The following PCDH11X variants were observed in gnomAD, a reference collection of about 807,000 sequenced individuals.
PCDH11X encodes the protein protocadherin-11 X-linked.
Under a neutral mutation model 53.3 loss-of-function variants are expected in PCDH11X, and 18 were observed. That is an observed-to-expected ratio of 0.34 (90% CI 0.23 to 0.50). PCDH11X has a LOEUF of 0.50. Ranked by LOEUF, PCDH11X falls within the 20% of genes least tolerant of loss-of-function variation. The pLI is 0.98. For synonymous variants in PCDH11X, 279 were observed against 393.3 expected (o/e 0.71, Z 3.44); for missense variants, 570 against 1,032.4 (o/e 0.55, Z 6.14).
chrX:92,267,661 A>C (rs1043105600), intron 8 of PCDH11X, among the ~76,000 whole-genome samples: 3 of 112,529 alleles, frequency 2.7e-5, no homozygotes, highest in African/African-American at 9.7e-5. Flanking sequence ...ATTCTCCTAA[A>C]AGCATAATTT....
intron 10 of PCDH11X, among the ~76,000 whole-genome samples, chrX:92,545,543 A>G (rs2074838475): frequency 9.2e-6 from 1 of 108,925 alleles, no homozygotes; most frequent in African/African-American, 3.4e-5. Context: ...CTGGGATTAC[A>G]GTTGCCCGCC....
chrX:92,429,538 G>A (rs1273930655), intron 9 of PCDH11X, among the ~76,000 whole-genome samples: 1 of 106,537 alleles, frequency 9.4e-6, no homozygotes, highest in African/African-American at 3.4e-5. Flanking sequence ...AGGACAGGTA[G>A]TGTTTTCATT....
At chrX:92,103,458 C>A (rs1006316188) in intron 6 of PCDH11X, among the ~76,000 whole-genome samples, 12 of 111,167 alleles carry the variant, frequency 1.1e-4, no homozygotes, top group Admixed American at 2.9e-4. Flanking sequence ...TAAAGCTCGG[C>A]GTCCGTGATG....
intron 6 of PCDH11X, among the ~76,000 whole-genome samples, chrX:92,137,507 T>A (rs1285581855): frequency 9.1e-6 from 1 of 109,852 alleles, no homozygotes; most frequent in Non-Finnish European, 1.9e-5. Flanking sequence ...GTATATAAGA[T>A]CCTTTTCATG....
chrX:92,222,782 C>T (rs1157553508), intron 7 of PCDH11X, among the ~76,000 whole-genome samples: 2 of 111,452 alleles, frequency 1.8e-5, no homozygotes, highest in African/African-American at 6.5e-5. Flanking sequence ...CATCCTTTCC[C>T]CTCTCCTAGA....
chrX:91,935,159 C>T (rs1470885704), intron 6 of PCDH11X, among the ~76,000 whole-genome samples: 2 of 106,952 alleles, frequency 1.9e-5, no homozygotes, highest in African/African-American at 6.8e-5. Context: ...TGTGTTATCC[C>T]AATTATATGT....
intron 5 of PCDH11X, among the ~76,000 whole-genome samples, chrX:91,855,960 T>C (rs1181031458): frequency 1.8e-5 from 2 of 108,680 alleles, no homozygotes; most frequent in African/African-American, 6.7e-5. Flanking sequence ...ATAATTTGAA[T>C]TCTTCCTTTC....
chrX:92,372,295 C>T (rs1228110022), intron 8 of PCDH11X, among the ~76,000 whole-genome samples: 4 of 110,840 alleles, frequency 3.6e-5, no homozygotes, highest in African/African-American at 9.9e-5. Context: ...ATAATCTAAC[C>T]CTCAATTTTA....
intron 6 of PCDH11X, among the ~76,000 whole-genome samples, chrX:92,022,369 G>C (rs1376814679): frequency 9.2e-6 from 1 of 108,376 alleles, no homozygotes; most frequent in Non-Finnish European, 1.9e-5. Flanking sequence ...CAAAAAGCAG[G>C]GGTTGCCATC....
rs1349892587 is a variant in PCDH11X at position 92,148,024 on chromosome X, C to T, written c.3034-53351C>T. ...TTCTTTCTTTTTCTTTCCTTCCTTC[C>T]TTCCTTTCCTTCTTTCCCTTCCTTC... On this transcript the variant is annotated intron_variant, in intron 6 of 10. Coordinates refer to ENST00000682573, the MANE Select transcript of PCDH11X (RefSeq NM_032968.5). 2.6e-4 allele frequency among the ~76,000 whole-genome samples: 19 copies of T among 72,550 alleles called. 1 individual carries two copies. The highest frequency in any genetic ancestry group is 1.1e-3 in the African/African-American group (16 of 14,452). 63.0% of individuals were successfully genotyped at this position (72,550 alleles called of 115,157 possible). A position where few individuals can be genotyped will look rare whatever the true frequency, so the allele number is the denominator to read the frequency against.
chrX:92,332,777 G>A (rs1603275906), intron 8 of PCDH11X, among the ~76,000 whole-genome samples: 1 of 111,693 alleles, frequency 9.0e-6, no homozygotes, highest in African/African-American at 3.3e-5. Context: ...GCAGGGAACT[G>A]GTTGGAAATA....
intron 4 of PCDH11X, among the ~76,000 whole-genome samples, chrX:91,818,735 A>G (rs949018668): frequency 1.8e-5 from 2 of 110,059 alleles, no homozygotes; most frequent in African/African-American, 6.6e-5. Flanking sequence ...GAAGGCAATG[A>G]AAGTTCTATT....
chrX:92,343,981 C>T (rs2069828969), intron 8 of PCDH11X, among the ~76,000 whole-genome samples: 1 of 109,938 alleles, frequency 9.1e-6, no homozygotes, highest in East Asian at 2.8e-4. Flanking sequence ...TTTCTTGCCC[C>T]TGTCTCCTAA....
intron 6 of PCDH11X, among the ~76,000 whole-genome samples, chrX:92,082,652 A>C (rs1315076642): frequency 1.8e-5 from 2 of 109,077 alleles, no homozygotes; most frequent in Non-Finnish European, 3.8e-5. Flanking sequence ...CATGACTAAG[A>C]GCCTACAAAA....
intron 8 of PCDH11X, among the ~76,000 whole-genome samples, chrX:92,380,554 G>A (rs1414540445): frequency 8.9e-6 from 1 of 112,028 alleles, no homozygotes; most frequent in African/African-American, 3.2e-5. Context: ...AAAACCACTT[G>A]ATAGCTACTG....
chrX:92,592,881 G>A (rs1349514052), intron 10 of PCDH11X, among the ~76,000 whole-genome samples: 1 of 111,964 alleles, frequency 8.9e-6, no homozygotes, highest in Non-Finnish European at 1.9e-5. Flanking sequence ...TCCCTGCCCT[G>A]CCTCTAAACA....
At chrX:92,318,022 T>A (rs1306546920) in intron 8 of PCDH11X, among the ~76,000 whole-genome samples, 6 of 111,035 alleles carry the variant, frequency 5.4e-5, no homozygotes, top group African/African-American at 2.0e-4. Flanking sequence ...AGATTATCAT[T>A]TACTTATTTT....
chrX:92,278,594 G>A (rs2068166473), intron 8 of PCDH11X, among the ~76,000 whole-genome samples: 1 of 110,499 alleles, frequency 9.0e-6, no homozygotes, highest in South Asian at 3.9e-4. Context: ...GAGCTTCTGA[G>A]CCTGGAGAAG....
intron 10 of PCDH11X, among the ~76,000 whole-genome samples, chrX:92,544,429 G>A (rs760057519): frequency 1.8e-5 from 2 of 111,720 alleles, no homozygotes; most frequent in East Asian, 5.6e-4. Flanking sequence ...TTTTGCCCTT[G>A]ATTTTCTTAT....
Sources: allele counts gnomAD v4.1 joint callset (sites outside exome capture counted in the v4.1 genomes callset), GRCh38; gene constraint gnomAD v4.1.1; transcripts MANE v1.5; gene names NCBI Gene and HGNC (gene_info 2026-07-23, HGNC 2026-07-21).